The following ZDHHC14 variants were observed in gnomAD, a reference collection of about 807,000 sequenced individuals.
ZDHHC14 encodes the protein palmitoyltransferase ZDHHC14.
In ZDHHC14, 16 loss-of-function variants were observed where a neutral mutation model predicts 47.7. The observed-to-expected ratio is 0.34, with a 90% confidence interval of 0.23 to 0.51. ZDHHC14 has a LOEUF of 0.51. Ranked by LOEUF, ZDHHC14 falls within the 20% of genes least tolerant of loss-of-function variation. The probability of loss-of-function intolerance (pLI) is 0.97; values close to 1 mark genes in which losing one functional copy is unlikely to be tolerated. For synonymous variants in ZDHHC14, 293 were observed against 278.9 expected (o/e 1.05, Z -0.50); for missense variants, 515 against 662.5 (o/e 0.78, Z 2.44).
chr6:157,410,879 T>A (rs1228349050), intron 1 of ZDHHC14, among the ~76,000 whole-genome samples: 1 of 152,158 alleles, frequency 6.6e-6, no homozygotes, highest in East Asian at 1.9e-4. Context: ...GTATTTTTAG[T>A]AGAGACGGGG....
intron 3 of ZDHHC14, among the ~76,000 whole-genome samples, chr6:157,627,974 C>T (rs142037457): frequency 2.6e-5 from 4 of 152,314 alleles, no homozygotes; most frequent in African/African-American, 7.2e-5. Context: ...CCAGAACTTA[C>T]CATCAGGCGG....
rs1783713440 is a variant in ZDHHC14 at position 157,586,745 on chromosome 6, A to G, written c.407-6243A>G. 6.6e-6 allele frequency among the ~76,000 whole-genome samples: 1 copy of G among 152,138 alleles called. No individual in the cohort carries two copies. The highest frequency in any genetic ancestry group is 1.5e-5 in the Non-Finnish European group (1 of 68,032). On this transcript the variant is annotated intron_variant, in intron 2 of 8. Transcript: ENST00000359775. The surrounding 1 kb of genome is among the most constrained non-coding windows in gnomAD (Gnocchi z 4.6). ...TCATAAATATTGGTTGACTTTTTTC[A>G]TGGCATCGCTGGGCCCTGAATCCAG...
chr6:157,422,343 T>C (rs1778127062), intron 1 of ZDHHC14, among the ~76,000 whole-genome samples: 1 of 152,184 alleles, frequency 6.6e-6, no homozygotes. Flanking sequence ...TGCCAGATGT[T>C]TCCCATACAT....
intron 1 of ZDHHC14, among the ~76,000 whole-genome samples, chr6:157,475,385 T>G (rs1427504308): frequency 2.6e-5 from 4 of 152,138 alleles, no homozygotes; most frequent in African/African-American, 9.7e-5. Context: ...CTTAGGATTT[T>G]TTTTTCTGTG....
At chr6:157,459,919 T>C (rs1001269742) in intron 1 of ZDHHC14, among the ~76,000 whole-genome samples, 8 of 148,898 alleles carry the variant, frequency 5.4e-5, no homozygotes, top group African/African-American at 2.5e-5. Flanking sequence ...CTGCTAAAAA[T>C]TGAAAAATTA....
intron 1 of ZDHHC14, among the ~76,000 whole-genome samples, chr6:157,412,105 A>G (rs1305797089): frequency 6.6e-6 from 1 of 150,748 alleles, no homozygotes; most frequent in Non-Finnish European, 1.5e-5. Context: ...TGTCCAGCTA[A>G]TTTTTGTATT....
At chr6:157,592,505 T>G (rs887496196) in intron 2 of ZDHHC14, among the ~76,000 whole-genome samples, 1 of 151,038 alleles carries the variant, frequency 6.6e-6, no homozygotes, top group Non-Finnish European at 1.5e-5. Flanking sequence ...GGTGTGTTAA[T>G]GAGGGCAAGG....
intron 1 of ZDHHC14, among the ~76,000 whole-genome samples, chr6:157,534,568 C>T (rs1406250547): frequency 9.4e-6 from 1 of 106,274 alleles, no homozygotes; most frequent in Non-Finnish European, 1.8e-5. Context: ...CATTTCATTT[C>T]ATTTCATTTC....
At chr6:157,593,914 T>A (rs774988199) in intron 3 of ZDHHC14, among the ~76,000 whole-genome samples, 3 of 152,116 alleles carry the variant, frequency 2.0e-5, no homozygotes, top group Non-Finnish European at 4.4e-5. Context: ...AACACCCAAG[T>A]GACAGGAAGG....
intron 8 of ZDHHC14, 65 bp from the exon 9 acceptor site, chr6:157,672,659 C>T (rs562864818): frequency 2.2e-6 from 3 of 1,342,278 alleles, no homozygotes; most frequent in Non-Finnish European, 3.1e-6. Flanking sequence ...GTCCCCATCC[C>T]TGTCCCTCCC....
chr6:157,451,614 G>A (rs1778803642), intron 1 of ZDHHC14, among the ~76,000 whole-genome samples: 1 of 152,158 alleles, frequency 6.6e-6, no homozygotes, highest in Non-Finnish European at 1.5e-5. Flanking sequence ...AGGCTGGAGG[G>A]CAGTGGCGCA....
chr6:157,547,415 T>C (rs1782018477), intron 2 of ZDHHC14, among the ~76,000 whole-genome samples: 1 of 151,966 alleles, frequency 6.6e-6, no homozygotes, highest in African/African-American at 2.4e-5. Context: ...AAAGCCTGGA[T>C]TTGTCAGGGA....
intron 1 of ZDHHC14, among the ~76,000 whole-genome samples, chr6:157,440,070 C>T (rs1022026195): frequency 1.2e-4 from 18 of 151,948 alleles, no homozygotes; most frequent in African/African-American, 4.4e-4. Flanking sequence ...GGCTTAATAC[C>T]TAGGTGATAG....
chr6:157,663,799 A>G (rs1778440570), intron 8 of ZDHHC14, among the ~76,000 whole-genome samples: 1 of 152,202 alleles, frequency 6.6e-6, no homozygotes, highest in Non-Finnish European at 1.5e-5. Context: ...TTCCCAGACT[A>G]TACCACATGG....
intron 1 of ZDHHC14, among the ~76,000 whole-genome samples, chr6:157,492,078 G>C (rs1044490098): frequency 6.6e-6 from 1 of 152,110 alleles, no homozygotes; most frequent in African/African-American, 2.4e-5. Flanking sequence ...GGCACCTCAG[G>C]TGCTCCATCC....
intron 2 of ZDHHC14, among the ~76,000 whole-genome samples, chr6:157,592,219 AATG>A (rs754381231): frequency 6.6e-6 from 1 of 152,020 alleles, no homozygotes; most frequent in Non-Finnish European, 1.5e-5. Context: ...TGAAATCAGA[AATG>A]ATAAGATAAA....
At chr6:157,533,935 T>C (rs1176290330) in intron 1 of ZDHHC14, among the ~76,000 whole-genome samples, 1 of 152,236 alleles carries the variant, frequency 6.6e-6, no homozygotes, top group African/African-American at 2.4e-5. Flanking sequence ...TAATAACTCT[T>C]TCAATAAGTA....
intron 3 of ZDHHC14, among the ~76,000 whole-genome samples, chr6:157,616,266 C>T (rs1014708461): frequency 1.3e-5 from 2 of 152,178 alleles, no homozygotes; most frequent in African/African-American, 4.8e-5. Flanking sequence ...CCATGACCAC[C>T]TCCTGCTGAC....
At chr6:157,546,864 C>T (rs1781992596) in intron 2 of ZDHHC14, among the ~76,000 whole-genome samples, 1 of 152,142 alleles carries the variant, frequency 6.6e-6, no homozygotes, top group Admixed American at 6.5e-5. Flanking sequence ...CCACCCGTTC[C>T]ACCGTCCTGA....
Sources: allele counts gnomAD v4.1 joint callset (sites outside exome capture counted in the v4.1 genomes callset), GRCh38; gene constraint gnomAD v4.1.1; non-coding constraint Gnocchi (gnomAD v3.1); transcripts MANE v1.5; gene names NCBI Gene and HGNC (gene_info 2026-07-23, HGNC 2026-07-21).